The following INPP5D variants were observed in gnomAD, a reference collection of about 807,000 sequenced individuals.
INPP5D encodes the protein phosphatidylinositol 3,4,5-trisphosphate 5-phosphatase 1.
Under a neutral mutation model 122.9 loss-of-function variants are expected in INPP5D, and 33 were observed. The observed-to-expected ratio is 0.27, with a 90% CI of 0.20 to 0.36. The LOEUF (loss-of-function observed/expected upper bound fraction) is 0.36, where lower values mean the gene tolerates loss of function less well. INPP5D is among the 10% of genes least tolerant of loss of function. The probability of loss-of-function intolerance (pLI) is 1.00; values close to 1 mark genes in which losing one functional copy is unlikely to be tolerated. For synonymous variants in INPP5D, 584 were observed against 576.2 expected (o/e 1.01, Z -0.19); for missense variants, 1,053 against 1,412.7 (o/e 0.75, Z 4.08).
chr2:233,171,167 T>C lies in INPP5D; in HGVS notation c.1989+15T>C, dbSNP rs374569237. 1.9e-6 allele frequency: 3 copies of C among 1,613,074 alleles called. No individual in the cohort carries two copies. The highest frequency in any genetic ancestry group is 4.5e-5 in the East Asian group (2 of 44,840). ...AAGCGACAGGGGTGAGTCCTCTTCA[T>C]AGACACCTTCCCTGCCCTCCATCTC... On this transcript the variant is annotated intron_variant, in intron 17 of 26. Coordinates refer to ENST00000445964, the MANE Select transcript of INPP5D (RefSeq NM_001017915.3).
chr2:233,198,967 C>T lies in INPP5D; in HGVS notation c.2975+591C>T, dbSNP rs375268723. 6.0e-5 allele frequency among the ~76,000 whole-genome samples: 6 copies of T among 99,602 alleles called. 1 individual carries two copies. Among genetic ancestry groups the T allele is most frequent in the East Asian group, 6.5e-4 (2 of 3,074 alleles). The allele number at this position is 99,602 out of a possible 152,430, so 65.3% of individuals were successfully genotyped here. On this transcript the variant is annotated intron_variant, in intron 25 of 26. Transcript: ENST00000445964. ...CTCCGTCTCAAAAAACAACAAATTT[C>T]GGCCGGGCACGGTGGCTCACGCCTG...
chr2:233,117,236 C>T (rs918685558), intron 2 of INPP5D, among the ~76,000 whole-genome samples: 3 of 152,178 alleles, frequency 2.0e-5, no homozygotes, highest in Non-Finnish European at 4.4e-5. Flanking sequence ...CAAGGGCAGT[C>T]CCCTCCTTGG....
Position 233,105,659 on chromosome 2 carries a change from G to A in INPP5D, c.199-16448G>A, listed in dbSNP as rs1293041909. On this transcript the variant is annotated intron_variant, in intron 2 of 26. Transcript: ENST00000445964. This position sits in a 1 kb window ranked among gnomAD's most constrained non-coding sequence, Gnocchi z 4.0. The stretch of plus-strand genomic sequence containing the variant: ...GGGTAAGAGGGTAGTGACCGCAAGC[G>A]GGCCGCCTGCTGGCTGCTGCACCAC... Among the ~76,000 whole-genome samples the A allele has an allele frequency of 3.9e-5, 6 of 152,186 alleles. No homozygotes were observed. The highest frequency in any genetic ancestry group is 8.8e-5 in the Non-Finnish European group (6 of 68,040).
In INPP5D at chr2:233,197,545, G is replaced by A. The variant is rs967254589; in HGVS notation, c.2694-550G>A. Among the ~76,000 whole-genome samples the A allele has an allele frequency of 2.6e-5, 4 of 151,950 alleles. No homozygotes were observed. Among genetic ancestry groups the A allele is most frequent in the South Asian group, 2.1e-4 (1 of 4,810 alleles). On this transcript the variant is annotated intron_variant, in intron 24 of 26. Coordinates refer to ENST00000445964, the MANE Select transcript of INPP5D (RefSeq NM_001017915.3). This position sits in a 1 kb window ranked among gnomAD's most constrained non-coding sequence, Gnocchi z 4.4. ...CCTCTGCACCTGCTCACCAGCCTTC[G>A]GACCGTCCAGGAACAGGCCAAACCC...
chr2:233,146,125 G>A, intron 6 of INPP5D, 37 bp from the exon 7 acceptor site: 1 of 704,154 alleles, frequency 1.4e-6, no homozygotes. Flanking sequence ...TTCAGGTTCA[G>A]TGATGCTGCC....
rs138765980 is a variant in INPP5D at position 233,088,570 on chromosome 2, G to A, written c.198+9172G>A. Among the ~76,000 whole-genome samples the A allele has an allele frequency of 6.2e-3, 947 of 152,314 alleles. 4 individuals carry two copies. Among genetic ancestry groups the A allele is most frequent in the Non-Finnish European group, 9.5e-3 (646 of 68,016 alleles). ...TTCTGTTTCCTCCTCAGAAACAGTG[G>A]GAGGCCAGCAGTACTTCTCTCCTGT... is the stretch of plus-strand genomic sequence containing the variant. On this transcript the variant is annotated intron_variant, in intron 2 of 26. Transcript: ENST00000445964.
chr2:233,185,741 G>A, intron 20 of INPP5D, 102 bp from the exon 21 acceptor site: 2 of 966,004 alleles, frequency 2.1e-6, no homozygotes, highest in Admixed American at 4.7e-5. Context: ...AAAAAAAGGA[G>A]AGAGCACATC....
At chr2:233,162,603 A>C (rs7559212) in intron 11 of INPP5D, among the ~76,000 whole-genome samples, 52,284 of 151,812 alleles carry the variant, frequency 0.34, 11,138 homozygotes, top group Non-Finnish European at 0.48. Flanking sequence ...TAAATTAGAT[A>C]GAAGACATCC....
Position 233,189,472 on chromosome 2 carries a change from A to G in INPP5D, c.2359-378A>G, listed in dbSNP as rs895888138. ...GGGTGGAGTGCATGGATCATTCCAG[A>G]CCTGGTGCCTGGCCCCACTTCCCCG... On this transcript the variant is annotated intron_variant, in intron 21 of 26. Transcript: ENST00000445964. This position sits in a 1 kb window ranked among gnomAD's most constrained non-coding sequence, Gnocchi z 5.6. Among the ~76,000 whole-genome samples the G allele has an allele frequency of 1.3e-5, 2 of 152,052 alleles. No individual in the cohort carries two copies. The highest frequency in any genetic ancestry group is 4.8e-5 in the African/African-American group (2 of 41,392).
chr2:233,070,870 A>G (rs1691361984), intron 1 of INPP5D, among the ~76,000 whole-genome samples: 2 of 152,346 alleles, frequency 1.3e-5, no homozygotes, highest in South Asian at 4.1e-4. Flanking sequence ...TTAGCACAGT[A>G]CTTGGTAAAA....
At chr2:233,063,484 A>C (rs2106193057) in intron 1 of INPP5D, among the ~76,000 whole-genome samples, 1 of 152,376 alleles carries the variant, frequency 6.6e-6, no homozygotes, top group Middle Eastern at 3.4e-3. Context: ...AGGAAAGAGA[A>C]CAGGATTTGA....
At chr2:233,171,635 G>A (rs2106303661) in intron 17 of INPP5D, among the ~76,000 whole-genome samples, 1 of 152,304 alleles carries the variant, frequency 6.6e-6, no homozygotes, top group Middle Eastern at 3.4e-3. Flanking sequence ...TGTTTTCCAA[G>A]GAACAGTGTT....
At chr2:233,124,934 G>C (rs558674211) in intron 3 of INPP5D, among the ~76,000 whole-genome samples, 1 of 152,258 alleles carries the variant, frequency 6.6e-6, no homozygotes, top group Non-Finnish European at 1.5e-5. Context: ...CGTGGAGCTC[G>C]AAGCAGACTC....
intron 1 of INPP5D, among the ~76,000 whole-genome samples, chr2:233,077,360 A>T (rs950114818): frequency 1.6e-4 from 25 of 152,248 alleles, no homozygotes; most frequent in South Asian, 4.1e-4. Flanking sequence ...TATATATTTT[A>T]AAAAATCTAG....
chr2:233,172,691 C>T (rs1019044546), intron 17 of INPP5D, among the ~76,000 whole-genome samples: 2 of 152,130 alleles, frequency 1.3e-5, no homozygotes, highest in African/African-American at 2.4e-5. Context: ...CGCTTAACAA[C>T]GGGGATATGT....
intron 3 of INPP5D, among the ~76,000 whole-genome samples, chr2:233,124,113 GT>G (rs111499171): frequency 0.071 from 10,244 of 143,836 alleles, 607 homozygotes; most frequent in East Asian, 0.32. Flanking sequence ...TAAAATACAA[GT>G]TTTTTTTTTT....
At position 233,170,875 on chromosome 2, in the gene INPP5D, C is replaced by T. The variant is rs1432594935; in HGVS notation, c.1901-189C>T. Among the ~76,000 whole-genome samples the T allele has an allele frequency of 6.8e-6, 1 of 146,688 alleles. No homozygotes were observed. Among genetic ancestry groups the T allele is most frequent in the African/African-American group, 2.6e-5 (1 of 38,982 alleles). ...GAGCCAAGATCGCGCCACTGCACTCCAGCCTGGCCAACAAAGACAGACTCC... is the reference window on the plus strand; with the variant it reads ...GAGCCAAGATCGCGCCACTGCACTCTAGCCTGGCCAACAAAGACAGACTCC... On this transcript the variant is annotated intron_variant, in intron 16 of 26. Transcript: ENST00000445964. This position sits in a 1 kb window ranked among gnomAD's most constrained non-coding sequence, Gnocchi z 4.5.
At chr2:233,069,316 G>A (rs1691314682) in intron 1 of INPP5D, among the ~76,000 whole-genome samples, 1 of 152,144 alleles carries the variant, frequency 6.6e-6, no homozygotes, top group South Asian at 2.1e-4. Flanking sequence ...GAAACAAATA[G>A]ATCTGATAAA....
At chr2:233,171,244 T>G in intron 17 of INPP5D, 92 bp downstream of exon 17, 1 of 1,501,266 alleles carries the variant, frequency 6.7e-7, no homozygotes, top group Non-Finnish European at 8.9e-7. Flanking sequence ...TCTTCATCCA[T>G]TAGGCAAAAA....
Sources: allele counts gnomAD v4.1 joint callset (sites outside exome capture counted in the v4.1 genomes callset), GRCh38; gene constraint gnomAD v4.1.1; non-coding constraint Gnocchi (gnomAD v3.1); transcripts MANE v1.5; gene names NCBI Gene and HGNC (gene_info 2026-07-23, HGNC 2026-07-21).